Variants in ATOSA observed in about 807,000 individuals in gnomAD.
ATOSA encodes atos homolog protein A.
At chr15:52,652,189 C>A in the ATOSA span, 2 of 735,600 alleles carry the variant, frequency 2.7e-6, no homozygotes, top group Non-Finnish European at 3.8e-6. Flanking sequence ...TTTCTTTGCT[C>A]GTCTTACAAA....
At chr15:52,645,251 G>A in the ATOSA span, among the ~76,000 whole-genome samples, 222 of 152,228 alleles carry the variant, frequency 1.5e-3, no homozygotes, top group African/African-American at 4.6e-3. Flanking sequence ...CCAGCCTGGC[G>A]AACATGGTGA....
the ATOSA span, among the ~76,000 whole-genome samples, chr15:52,677,229 C>T: frequency 6.6e-6 from 1 of 152,116 alleles, no homozygotes; most frequent in East Asian, 1.9e-4. Context: ...TCTAGTCCAG[C>T]CCCCTACCAA....
At chr15:52,595,408 G>A in the ATOSA span, among the ~76,000 whole-genome samples, 12 of 152,130 alleles carry the variant, frequency 7.9e-5, no homozygotes, top group African/African-American at 2.9e-4. Context: ...TTTCATAGGA[G>A]AGGTACATAC....
At chr15:52,634,175 G>A in the ATOSA span, among the ~76,000 whole-genome samples, 3 of 152,332 alleles carry the variant, frequency 2.0e-5, no homozygotes, top group Admixed American at 2.0e-4. Context: ...GCTCATGCCT[G>A]TAATCCCAGC....
chr15:52,674,925 T>C, the ATOSA span, among the ~76,000 whole-genome samples: 1 of 151,734 alleles, frequency 6.6e-6, no homozygotes, highest in Non-Finnish European at 1.5e-5. Flanking sequence ...ATATTATTTA[T>C]TTAATATCTG....
the ATOSA span, among the ~76,000 whole-genome samples, chr15:52,629,864 C>A: frequency 5.3e-5 from 8 of 151,092 alleles, no homozygotes; most frequent in East Asian, 5.8e-4. Context: ...GAATTGAAAT[C>A]AAAATGAAGA....
At chr15:52,681,609 G>A in the ATOSA span, among the ~76,000 whole-genome samples, 1 of 152,160 alleles carries the variant, frequency 6.6e-6, no homozygotes, top group Non-Finnish European at 1.5e-5. Flanking sequence ...AATGTTTCTA[G>A]TTCCTAGTTG....
At chr15:52,655,780 T>TA in the ATOSA span, among the ~76,000 whole-genome samples, 1 of 152,116 alleles carries the variant, frequency 6.6e-6, no homozygotes, top group African/African-American at 2.4e-5. Context: ...AAAGACCCCT[T>TA]AAAGCAGCAA....
At chr15:52,618,204 A>C in the ATOSA span, among the ~76,000 whole-genome samples, 1 of 151,872 alleles carries the variant, frequency 6.6e-6, no homozygotes, top group East Asian at 1.9e-4. Context: ...ACGTCTGGCT[A>C]ATTTTTTTGT....
At chr15:52,652,044 G>C in the ATOSA span, 1 of 1,482,440 alleles carries the variant, frequency 6.7e-7, no homozygotes, top group African/African-American at 1.4e-5. Context: ...TCCGTGTAAG[G>C]TTTTTCACAA....
At chr15:52,595,448 C>T in the ATOSA span, among the ~76,000 whole-genome samples, 98 of 151,210 alleles carry the variant, frequency 6.5e-4, no homozygotes, top group South Asian at 0.01. Context: ...GGCAAATGAC[C>T]AATATTAGTT....
chr15:52,701,740 T>C, the ATOSA span, among the ~76,000 whole-genome samples: 1 of 152,160 alleles, frequency 6.6e-6, no homozygotes, highest in South Asian at 2.1e-4. Flanking sequence ...AAATTGTGCA[T>C]TAAAACACTT....
chr15:52,673,518 G>A, the ATOSA span, among the ~76,000 whole-genome samples: 1 of 152,178 alleles, frequency 6.6e-6, no homozygotes, highest in Non-Finnish European at 1.5e-5. Flanking sequence ...CTATTTCCTT[G>A]AGTATCTGTG....
the ATOSA span, among the ~76,000 whole-genome samples, chr15:52,673,623 C>T: frequency 6.6e-6 from 1 of 152,172 alleles, no homozygotes; most frequent in African/African-American, 2.4e-5. Context: ...CTATCATGAC[C>T]ACCTCTACCT....
At chr15:52,629,417 G>A in the ATOSA span, among the ~76,000 whole-genome samples, 2 of 151,602 alleles carry the variant, frequency 1.3e-5, no homozygotes, top group African/African-American at 4.9e-5. Context: ...TTCTGGGTTT[G>A]GAAAAATGTT....
At chr15:52,687,124 G>T in the ATOSA span, among the ~76,000 whole-genome samples, 2 of 152,136 alleles carry the variant, frequency 1.3e-5, no homozygotes, top group Non-Finnish European at 2.9e-5. Context: ...AAATAATTGC[G>T]GCCGGGCGCG....
the ATOSA span, among the ~76,000 whole-genome samples, chr15:52,664,451 G>A: frequency 1.3e-5 from 2 of 152,086 alleles, no homozygotes; most frequent in Non-Finnish European, 2.9e-5. Context: ...TTCAATCCTC[G>A]CAGAAACCTT....
At chr15:52,602,302 T>G in the ATOSA span, among the ~76,000 whole-genome samples, 1 of 152,196 alleles carries the variant, frequency 6.6e-6, no homozygotes, top group Non-Finnish European at 1.5e-5. Context: ...TTCATCTAAA[T>G]TCCCTATCTT....
the ATOSA span, among the ~76,000 whole-genome samples, chr15:52,667,940 G>A: frequency 6.6e-6 from 1 of 152,186 alleles, no homozygotes; most frequent in Non-Finnish European, 1.5e-5. Flanking sequence ...TGGAGAAAAG[G>A]GAACAGTTAC....
Sources: gnomAD v4.1 joint callset for allele counts (sites outside exome capture counted in the v4.1 genomes callset) on GRCh38, gnomAD v4.1.1 for gene constraint, MANE v1.5 for transcripts, NCBI Gene and HGNC (gene_info 2026-07-23, HGNC 2026-07-21) for gene names.